ZNF804B: variants seen among roughly 807,000 people sequenced by gnomAD.
The protein encoded by ZNF804B is zinc finger 804B.
Under a neutral mutation model 101.4 loss-of-function variants are expected in ZNF804B, and 80 were observed. The ratio of observed to expected loss-of-function variants is 0.79; its 90% CI spans 0.66 to 0.95. The LOEUF (loss-of-function observed/expected upper bound fraction) is 0.95. ZNF804B is among the 40% of genes least tolerant of loss of function. The probability of loss-of-function intolerance (pLI) is 0.00; values close to 1 mark genes in which losing one functional copy is unlikely to be tolerated. For missense variants in ZNF804B, 1,673 were observed against 1,561.9 expected, an observed-to-expected ratio of 1.07 and a Z score of -1.20; for synonymous variants, 622 against 558.8, an observed-to-expected ratio of 1.11 and a Z score of -1.59.
chr7:88,840,778 T>C (rs935212016), intron 1 of ZNF804B, among the ~76,000 whole-genome samples: 5 of 152,118 alleles, frequency 3.3e-5, no homozygotes, highest in African/African-American at 1.2e-4. Context: ...TAAAGTGTTA[T>C]GAGGTGTGAT....
chr7:89,015,006 C>G (rs577487169), intron 1 of ZNF804B, among the ~76,000 whole-genome samples: 1 of 152,212 alleles, frequency 6.6e-6, no homozygotes, highest in South Asian at 2.1e-4. Context: ...ATCTTTAACC[C>G]ATTTTGAGTT....
At position 89,334,024 on chromosome 7, in the gene ZNF804B, A is replaced by G. The variant is rs1345747970; in HGVS notation, c.1042A>G (p.Thr348Ala). ...PTSREKETRN[T>A]LKNTLENCVN... ...CAGCAGAGAAAAAGAAACTAGAAAT[A>G]CATTGAAGAACACTTTAGAAAATTG... The change falls in exon 4 of 4, where the codon ACA becomes GCA. Residue 348 changes from threonine (T) to alanine (A), a missense_variant. Coordinates refer to ENST00000333190, the MANE Select transcript of ZNF804B (RefSeq NM_181646.5). 1.2e-6 allele frequency: 2 copies of G among 1,613,452 alleles called. No homozygotes were observed. Among genetic ancestry groups the G allele is most frequent in the South Asian group, 1.1e-5 (1 of 91,068 alleles).
intron 1 of ZNF804B, among the ~76,000 whole-genome samples, chr7:89,154,752 G>A (rs1222358997): frequency 1.3e-5 from 2 of 152,028 alleles, no homozygotes; most frequent in East Asian, 3.9e-4. Flanking sequence ...AGTCGGGATG[G>A]TTAATGTGTA....
chr7:89,219,973 G>GTGTGTATACA (rs1788963618), intron 2 of ZNF804B, among the ~76,000 whole-genome samples: 1 of 81,686 alleles, frequency 1.2e-5, no homozygotes, highest in African/African-American at 5.3e-5. Flanking sequence ...GCATATATAT[G>GTGTGTATACA]TATATACATA....
chr7:88,987,467 A>G (rs1793773998), intron 1 of ZNF804B, among the ~76,000 whole-genome samples: 1 of 152,040 alleles, frequency 6.6e-6, no homozygotes, highest in Non-Finnish European at 1.5e-5. Flanking sequence ...CTCTTTTCAT[A>G]TTTACATTTT....
In ZNF804B at chr7:89,218,167, A is replaced by G; in HGVS notation, c.121A>G (p.Lys41Glu). The change falls in exon 2 of 4, where the codon AAG becomes GAG. Residue 41 changes from lysine (K) to glutamate (E), a missense_variant. By Grantham distance (56) the Lys-to-Glu change is moderately conservative. Transcript: ENST00000333190. Reference protein sequence around the residue: ...NGSPSPDFAEKKSTAKALEDV... With the variant: ...NGSPSPDFAEEKSTAKALEDV... The stretch of plus-strand genomic sequence containing the variant: ...TTTTTTCTTAAAGGATTTTGCAGAA[A>G]AGAAGTCCACAGCAAAGGCCCTGGA... 1 of 1,612,232 alleles carries G rather than the reference A, an allele frequency of 6.2e-7. No individual in the cohort carries two copies. Among genetic ancestry groups the G allele is most frequent in the Non-Finnish European group, 8.5e-7 (1 of 1,179,420 alleles).
intron 1 of ZNF804B, among the ~76,000 whole-genome samples, chr7:89,170,938 C>T (rs1024882785): frequency 3.3e-5 from 5 of 152,196 alleles, no homozygotes; most frequent in African/African-American, 1.2e-4. Flanking sequence ...TTTCACCTCT[C>T]AGCCCCAAAA....
At chr7:89,098,620 A>G (rs982089951) in intron 1 of ZNF804B, among the ~76,000 whole-genome samples, 1 of 152,112 alleles carries the variant, frequency 6.6e-6, no homozygotes, top group African/African-American at 2.4e-5. Flanking sequence ...GTAGCTAAAA[A>G]CAAAGAAACA....
chr7:89,261,269 G>A (rs1485532418), intron 2 of ZNF804B, among the ~76,000 whole-genome samples: 1 of 152,054 alleles, frequency 6.6e-6, no homozygotes, highest in African/African-American at 2.4e-5. Flanking sequence ...TTAACTTTTT[G>A]TAATAGACTT....
chr7:88,987,647 A>G (rs1278767951), intron 1 of ZNF804B, among the ~76,000 whole-genome samples: 1 of 152,106 alleles, frequency 6.6e-6, no homozygotes, highest in African/African-American at 2.4e-5. Context: ...ATAATGATAC[A>G]TATATGTGAG....
intron 1 of ZNF804B, among the ~76,000 whole-genome samples, chr7:89,192,238 T>C (rs1042949604): frequency 1.1e-4 from 17 of 152,056 alleles, no homozygotes; most frequent in African/African-American, 4.1e-4. Flanking sequence ...TTGAGAGTTA[T>C]CTAATGCCTT....
chr7:88,816,513 G>A (rs1160096489), intron 1 of ZNF804B, among the ~76,000 whole-genome samples: 8 of 151,788 alleles, frequency 5.3e-5, no homozygotes, highest in East Asian at 3.9e-4. Context: ...CAGAATCTAC[G>A]ATGAACTCAA....
intron 1 of ZNF804B, among the ~76,000 whole-genome samples, chr7:89,198,243 T>C (rs986389538): frequency 6.6e-6 from 1 of 151,936 alleles, no homozygotes; most frequent in Non-Finnish European, 1.5e-5. Flanking sequence ...TTTTTAAAGC[T>C]TTTAACTATT....
intron 1 of ZNF804B, among the ~76,000 whole-genome samples, chr7:89,033,066 G>T (rs1007551555): frequency 6.7e-6 from 1 of 149,210 alleles, no homozygotes; most frequent in Admixed American, 6.7e-5. Flanking sequence ...TATCCCTCCT[G>T]TCTAATTGAG....
At chr7:88,914,280 G>A (rs1009764436) in intron 1 of ZNF804B, among the ~76,000 whole-genome samples, 2 of 152,204 alleles carry the variant, frequency 1.3e-5, no homozygotes, top group African/African-American at 4.8e-5. Context: ...ATGGCTTACA[G>A]AGAGGATTTT....
chr7:89,070,280 GGC>G (rs1789516018), intron 1 of ZNF804B, among the ~76,000 whole-genome samples: 1 of 152,134 alleles, frequency 6.6e-6, no homozygotes, highest in Non-Finnish European at 1.5e-5. Context: ...AAATGCAAAA[GGC>G]GCTGGCTTGA....
At chr7:88,802,123 A>G (rs1442006337) in intron 1 of ZNF804B, among the ~76,000 whole-genome samples, 1 of 152,026 alleles carries the variant, frequency 6.6e-6, no homozygotes, top group Non-Finnish European at 1.5e-5. Context: ...TCCCGCCTCA[A>G]GTGAAGAAGC....
At chr7:89,286,981 TC>T (rs1790209034) in intron 2 of ZNF804B, among the ~76,000 whole-genome samples, 1 of 152,114 alleles carries the variant, frequency 6.6e-6, no homozygotes, top group African/African-American at 2.4e-5. Context: ...TGCCGACCCC[TC>T]CTTTTCCTCC....
intron 2 of ZNF804B, among the ~76,000 whole-genome samples, chr7:89,279,203 T>C (rs1457526044): frequency 6.6e-6 from 1 of 152,140 alleles, no homozygotes; most frequent in East Asian, 1.9e-4. Context: ...ATTGATTTTG[T>C]ATCCTGAGAC....
Sources: allele counts gnomAD v4.1 joint callset (sites outside exome capture counted in the v4.1 genomes callset), GRCh38; gene constraint gnomAD v4.1.1; transcripts MANE v1.5; gene names NCBI Gene and HGNC (gene_info 2026-07-23, HGNC 2026-07-21).